Variants in SH3RF2 observed in about 807,000 individuals in gnomAD.
SH3RF2 encodes the protein SH3 domain containing ring finger 2, also known as E3 ubiquitin-protein ligase SH3RF2.
In SH3RF2, 43 loss-of-function variants were observed where a neutral mutation model predicts 59.0. That is an observed-to-expected ratio of 0.73 (90% CI 0.57 to 0.94). The LOEUF is 0.94. Ranked by LOEUF, SH3RF2 falls within the 40% of genes least tolerant of loss-of-function variation. The pLI is 0.00. For missense variants in SH3RF2, 930 were observed against 940.1 expected (o/e 0.99, Z 0.14); for synonymous variants, 391 against 391.5 (o/e 1.00, Z 0.01).
At chr5:145,951,827 G>A (rs1292920016) in intron 2 of SH3RF2, among the ~76,000 whole-genome samples, 2 of 152,188 alleles carry the variant, frequency 1.3e-5, no homozygotes, top group African/African-American at 4.8e-5. Flanking sequence ...ACCTCGCTTA[G>A]TTCTCCTATT....
intron 2 of SH3RF2, among the ~76,000 whole-genome samples, chr5:145,939,982 C>T (rs1581369113): frequency 2.6e-5 from 4 of 152,094 alleles, no homozygotes; most frequent in Non-Finnish European, 4.4e-5. Context: ...GGACAGGTAG[C>T]GATGAATGGA....
At chr5:145,967,137 A>G (rs1448060499) in intron 2 of SH3RF2, among the ~76,000 whole-genome samples, 1 of 152,216 alleles carries the variant, frequency 6.6e-6, no homozygotes, top group Non-Finnish European at 1.5e-5. Flanking sequence ...TATTGAAACA[A>G]TGATATTAGA....
chr5:145,964,355 G>A (rs1758779415), intron 2 of SH3RF2, among the ~76,000 whole-genome samples: 1 of 139,402 alleles, frequency 7.2e-6, no homozygotes, highest in Admixed American at 7.7e-5. Context: ...TGCCCAAGCT[G>A]GAGTGCAGTG....
intron 2 of SH3RF2, among the ~76,000 whole-genome samples, chr5:145,969,691 T>C (rs1758998509): frequency 6.6e-6 from 1 of 151,394 alleles, no homozygotes; most frequent in African/African-American, 2.4e-5. Context: ...ACTGTAATTG[T>C]ACCACTGCAC....
chr5:146,002,294 T>C (rs1324239520), intron 3 of SH3RF2, among the ~76,000 whole-genome samples: 1 of 151,974 alleles, frequency 6.6e-6, no homozygotes, highest in Non-Finnish European at 1.5e-5. Context: ...CTACTAAAAA[T>C]ACAAAAATTA....
intron 5 of SH3RF2, 43 bp from the exon 6 acceptor site, chr5:146,047,729 G>T: frequency 6.3e-7 from 1 of 1,588,544 alleles, no homozygotes; most frequent in Non-Finnish European, 8.6e-7. Context: ...CCTGGGTTGT[G>T]GCATTCATTG....
At chr5:146,030,651 A>G (rs1379952118) in intron 5 of SH3RF2, among the ~76,000 whole-genome samples, 2 of 152,004 alleles carry the variant, frequency 1.3e-5, no homozygotes, top group African/African-American at 2.4e-5. Flanking sequence ...TTGAGCTATA[A>G]CAGAATTAGC....
intron 8 of SH3RF2, among the ~76,000 whole-genome samples, chr5:146,057,716 C>A (rs1024991856): frequency 6.6e-6 from 1 of 151,998 alleles, no homozygotes; most frequent in African/African-American, 2.4e-5. Context: ...GAGGTGGGAA[C>A]ATTACTTGAG....
At chr5:146,074,169 A>G (rs941758208) in intron 9 of SH3RF2, among the ~76,000 whole-genome samples, 1 of 151,222 alleles carries the variant, frequency 6.6e-6, no homozygotes, top group African/African-American at 2.4e-5. Flanking sequence ...CCTCCCGAGT[A>G]GCTGGGACTA....
At chr5:145,998,580 T>A (rs1042598763) in intron 2 of SH3RF2, among the ~76,000 whole-genome samples, 7 of 152,190 alleles carry the variant, frequency 4.6e-5, no homozygotes, top group Non-Finnish European at 1.0e-4. Flanking sequence ...AATACCATAA[T>A]AAAGCAAGTC....
At chr5:146,077,731 G>T (rs1422357786) in intron 9 of SH3RF2, among the ~76,000 whole-genome samples, 1 of 152,056 alleles carries the variant, frequency 6.6e-6, no homozygotes, top group Non-Finnish European at 1.5e-5. Flanking sequence ...TATTTCAAAA[G>T]TCTTTTCTAG....
intron 2 of SH3RF2, among the ~76,000 whole-genome samples, chr5:145,950,067 G>T (rs1758135524): frequency 1.3e-5 from 2 of 151,152 alleles, no homozygotes; most frequent in South Asian, 2.1e-4. Context: ...GCCAAAGAAA[G>T]GTGGATATAG....
chr5:145,979,365 G>A (rs562905636), intron 2 of SH3RF2, among the ~76,000 whole-genome samples: 1 of 152,332 alleles, frequency 6.6e-6, no homozygotes, highest in East Asian at 1.9e-4. Flanking sequence ...CTTTCCAGGA[G>A]ATAAGAGTTA....
chr5:146,051,787 C>A (rs1250487102), intron 7 of SH3RF2, among the ~76,000 whole-genome samples: 2 of 152,096 alleles, frequency 1.3e-5, no homozygotes, highest in East Asian at 1.9e-4. Flanking sequence ...GAGAGAGCTC[C>A]AGCCTTGAGA....
At chr5:146,065,822 T>G (rs1763089218), downstream of SH3RF2, among the ~76,000 whole-genome samples, 1 of 152,198 alleles carries the variant, frequency 6.6e-6, no homozygotes, top group Non-Finnish European at 1.5e-5. Context: ...GCTTTGTAAA[T>G]TTATTGTTTT....
intron 2 of SH3RF2, among the ~76,000 whole-genome samples, chr5:145,975,218 T>C (rs1223625920): frequency 6.6e-6 from 1 of 152,336 alleles, no homozygotes; most frequent in East Asian, 1.9e-4. Flanking sequence ...ACTCCGTCCT[T>C]CCCAACTGAC....
intron 2 of SH3RF2, among the ~76,000 whole-genome samples, chr5:145,970,046 C>A (rs1759016399): frequency 6.6e-6 from 1 of 152,116 alleles, no homozygotes; most frequent in Non-Finnish European, 1.5e-5. Context: ...ATGATGATGG[C>A]TAACTGTGAC....
At chr5:145,943,454 A>G (rs1382761663) in intron 2 of SH3RF2, among the ~76,000 whole-genome samples, 1 of 152,216 alleles carries the variant, frequency 6.6e-6, no homozygotes, top group Non-Finnish European at 1.5e-5. Flanking sequence ...AATAAATGCC[A>G]AGAGACAAAA....
intron 5 of SH3RF2, among the ~76,000 whole-genome samples, chr5:146,031,626 G>C (rs540698189): frequency 3.3e-5 from 5 of 152,308 alleles, no homozygotes; most frequent in African/African-American, 1.2e-4. Flanking sequence ...AGGGTATAAG[G>C]GGCAGCAATG....
Sources: gnomAD v4.1 joint callset for allele counts (sites outside exome capture counted in the v4.1 genomes callset) on GRCh38, gnomAD v4.1.1 for gene constraint, MANE v1.5 for transcripts, NCBI Gene and HGNC (gene_info 2026-07-23, HGNC 2026-07-21) for gene names.